The following DGKK variants were observed in gnomAD, a reference collection of about 807,000 sequenced individuals.
The protein encoded by DGKK is diacylglycerol kinase kappa.
Under a neutral mutation model 92.2 loss-of-function variants are expected in DGKK, and 35 were observed. That is an observed-to-expected ratio of 0.38 (90% CI 0.29 to 0.50). DGKK has a LOEUF of 0.50. Ranked by LOEUF, DGKK falls within the 20% of genes least tolerant of loss-of-function variation. DGKK has a pLI of 0.92. For synonymous variants in DGKK, 368 were observed against 360.6 expected, an observed-to-expected ratio of 1.02 and a Z score of -0.23; for missense variants, 910 against 992.2, an observed-to-expected ratio of 0.92 and a Z score of 1.11.
At chrX:50,428,079 A>G (rs1925793639) in intron 1 of DGKK, among the ~76,000 whole-genome samples, 1 of 110,156 alleles carries the variant, frequency 9.1e-6, no homozygotes, top group African/African-American at 3.3e-5. Flanking sequence ...TATACCTGAT[A>G]CCCCAGGTCT....
chrX:50,418,732 A>G (rs1557228821), intron 4 of DGKK, among the ~76,000 whole-genome samples: 1 of 111,640 alleles, frequency 9.0e-6, no homozygotes, highest in Admixed American at 9.5e-5. Context: ...CCAAGAGAGT[A>G]AACAGGGAGA....
intron 4 of DGKK, among the ~76,000 whole-genome samples, chrX:50,407,778 C>T (rs1455077054): frequency 9.0e-6 from 1 of 111,723 alleles, no homozygotes; most frequent in Admixed American, 9.4e-5. Flanking sequence ...GAAAGTGTGC[C>T]CTGCAGAGAA....
intron 1 of DGKK, among the ~76,000 whole-genome samples, chrX:50,435,506 T>A (rs1240146396): frequency 8.9e-6 from 1 of 111,889 alleles, no homozygotes; most frequent in African/African-American, 3.3e-5. Flanking sequence ...GAATAAGTGG[T>A]TAGATTATAA....
chrX:50,395,090 G>A (rs1290706090), intron 8 of DGKK, among the ~76,000 whole-genome samples: 3 of 111,174 alleles, frequency 2.7e-5, no homozygotes, highest in Non-Finnish European at 5.7e-5. Flanking sequence ...GCAACAAGAT[G>A]TTGGAGGAAG....
chrX:50,405,527 GGAGAGAGAGAGA>G (rs781903574), intron 4 of DGKK, among the ~76,000 whole-genome samples: 3 of 100,983 alleles, frequency 3.0e-5, no homozygotes, highest in African/African-American at 1.1e-4. Context: ...GACAGTGGGG[GGAGAGAGAGAGA>G]GAGAGAGAGA....
At chrX:50,429,552 G>A (rs966365365) in intron 1 of DGKK, among the ~76,000 whole-genome samples, 2 of 111,468 alleles carry the variant, frequency 1.8e-5, no homozygotes, top group Non-Finnish European at 3.8e-5. Flanking sequence ...AGCCGGGCGT[G>A]GTGGCGGGCG....
At position 50,470,707 on chromosome X, in the gene DGKK, C is replaced by T. The variant is rs1927057038; in HGVS notation, c.-29G>A. ...CGCACACCGCTTCAGGTCTGGGCAG[C>T]CTGAGTCCCTAAGCCTGGAAGGCTA... On this transcript the variant is annotated 5_prime_UTR_variant, in exon 1 of 28. Coordinates refer to ENST00000611977, the MANE Select transcript of DGKK (RefSeq NM_001013742.4). The T allele has an allele frequency of 1.8e-6, 2 of 1,088,269 alleles. No individual in the cohort carries two copies. Among genetic ancestry groups the T allele is most frequent in the Admixed American group, 3.8e-5 (1 of 26,382 alleles). The allele number at this position is 1,088,269 out of a possible 1,213,427, so 89.7% of individuals were successfully genotyped here. A position where few individuals can be genotyped will look rare whatever the true frequency, so the allele number is the denominator to read the frequency against.
chrX:50,378,371 G>A, intron 21 of DGKK, 139 bp from the exon 22 acceptor site: 5 of 929,125 alleles, frequency 5.4e-6, no homozygotes, highest in Non-Finnish European at 7.4e-6. Context: ...ATCCCAGGAA[G>A]AAATGCCTGT....
intron 2 of DGKK, among the ~76,000 whole-genome samples, chrX:50,423,897 A>G (rs1925667969): frequency 8.9e-6 from 1 of 111,942 alleles, no homozygotes; most frequent in South Asian, 3.7e-4. Context: ...CTTTATATTA[A>G]TATTTTAGTA....
intron 24 of DGKK, 136 bp downstream of exon 24, chrX:50,375,888 C>G: frequency 1.3e-6 from 1 of 764,634 alleles, no homozygotes; most frequent in Non-Finnish European, 1.8e-6. Context: ...TGCCTGCCTT[C>G]CCGTCCACTC....
intron 15 of DGKK, 70 bp from the exon 16 acceptor site, chrX:50,384,894 G>T: frequency 1.3e-6 from 1 of 767,616 alleles, no homozygotes; most frequent in Non-Finnish European, 1.9e-6. Flanking sequence ...AAAGGAGGGA[G>T]GGAGGATGGA....
chrX:50,392,487 C>G, intron 9 of DGKK, 38 bp from the exon 10 acceptor site: 2 of 1,105,190 alleles, frequency 1.8e-6, no homozygotes, highest in Non-Finnish European at 2.5e-6. Flanking sequence ...ATTTCATGAA[C>G]AGCTGGGTTT....
At chrX:50,467,471 T>A (rs1426786501) in intron 1 of DGKK, among the ~76,000 whole-genome samples, 1 of 113,210 alleles carries the variant, frequency 8.8e-6, no homozygotes, top group African/African-American at 3.2e-5. Context: ...CTTTGAATTA[T>A]CAGGATAGTT....
chrX:50,462,991 C>A (rs1926797916), intron 1 of DGKK, among the ~76,000 whole-genome samples: 1 of 99,765 alleles, frequency 1.0e-5, no homozygotes, highest in African/African-American at 3.6e-5. Context: ...CCACCACCCC[C>A]CCCACACGCA....
intron 1 of DGKK, among the ~76,000 whole-genome samples, chrX:50,463,604 C>T (rs1027246859): frequency 2.0e-5 from 2 of 98,029 alleles, no homozygotes; most frequent in African/African-American, 3.8e-5. Context: ...CTCCTCCCTC[C>T]CTTCCTCTCT....
chrX:50,369,766 G>A lies in DGKK; in HGVS notation c.3736+660C>T, dbSNP rs1234605857. Among the ~76,000 whole-genome samples, 4 of 111,235 alleles carry A rather than the reference G, an allele frequency of 3.6e-5. 1 individual carries two copies. The highest frequency in any genetic ancestry group is 9.8e-5 in the African/African-American group (3 of 30,524). ...TGTAGAGACAGCAGGGTCCCACCAC[G>A]TTGCCCAGGCTGGTCTTGAACTCCT... On this transcript the variant is annotated intron_variant, in intron 27 of 27. Coordinates refer to ENST00000611977, the MANE Select transcript of DGKK (RefSeq NM_001013742.4).
intron 12 of DGKK, 124 bp from the exon 13 acceptor site, chrX:50,388,742 G>C (rs1179661710): frequency 2.3e-6 from 1 of 439,459 alleles, no homozygotes; most frequent in Non-Finnish European, 3.9e-6. Flanking sequence ...CTGCCTCTCT[G>C]GAAATGATAA....
Position 50,411,257 on chromosome X carries a change from CA to C in DGKK, c.943-7074del, listed in dbSNP as rs1381533254. 4.5e-5 allele frequency among the ~76,000 whole-genome samples: 5 copies of C among 111,232 alleles called. No homozygotes were observed. In the South Asian group the frequency reaches 1.1e-3, roughly 25 times the overall value. ...ACAACAAAGCCAGACAAGGACACAACAAAAAAAGAAAACTACAGGCTAATAT... is the reference window on the plus strand; with the variant it reads ...ACAACAAAGCCAGACAAGGACACAACAAAAAAGAAAACTACAGGCTAATAT... On this transcript the variant is annotated intron_variant, in intron 4 of 27. Transcript: ENST00000611977.
Position 50,378,675 on chromosome X carries a change from G to A in DGKK, c.2879C>T (p.Ala960Val), listed in dbSNP as rs1398939650. 1.7e-6 allele frequency: 2 copies of A among 1,202,075 alleles called. No homozygotes were observed. The highest frequency in any genetic ancestry group is 2.2e-6 in the Non-Finnish European group (2 of 890,144). Reference protein sequence around the residue: ...NTATTEYEAPAIDDGKLEVVA... With the variant: ...NTATTEYEAPVIDDGKLEVVA... ...CACCTCCAGTTTCCCATCATCGATTGCAGGAGCCTCATATTCCTGAGGAGG... is the reference window on the plus strand; with the variant it reads ...CACCTCCAGTTTCCCATCATCGATTACAGGAGCCTCATATTCCTGAGGAGG... The change falls in exon 21 of 28, where the codon GCA becomes GTA. Residue 960 changes from alanine (A) to valine (V), a missense_variant. Coordinates refer to ENST00000611977, the MANE Select transcript of DGKK (RefSeq NM_001013742.4).
Sources: allele counts gnomAD v4.1 joint callset (sites outside exome capture counted in the v4.1 genomes callset), GRCh38; gene constraint gnomAD v4.1.1; transcripts MANE v1.5; gene names NCBI Gene and HGNC (gene_info 2026-07-23, HGNC 2026-07-21).